Variants in GPR137B observed in about 807,000 individuals in gnomAD.
GPR137B encodes the protein G protein-coupled receptor 137B, also known as integral membrane protein GPR137B.
In GPR137B, 42 loss-of-function variants were observed where a neutral mutation model predicts 42.5. The ratio of observed to expected loss-of-function variants is 0.99; its 90% CI spans 0.77 to 1.28. The LOEUF (loss-of-function observed/expected upper bound fraction) is 1.28. Ranked by LOEUF, GPR137B falls within the 50% of genes most tolerant of loss-of-function variation. The probability of loss-of-function intolerance (pLI) is 0.00; values close to 1 mark genes in which losing one functional copy is unlikely to be tolerated. For synonymous variants in GPR137B, 218 were observed against 209.7 expected, an observed-to-expected ratio of 1.04 and a Z score of -0.34; for missense variants, 487 against 493.9, an observed-to-expected ratio of 0.99 and a Z score of 0.13.
chr1:236,181,252 G>A (rs1000195671), intron 4 of GPR137B, among the ~76,000 whole-genome samples: 5 of 152,148 alleles, frequency 3.3e-5, no homozygotes, highest in Non-Finnish European at 5.9e-5. Flanking sequence ...AACAAAGGTA[G>A]TGAAATGTCA....
At chr1:236,158,881 C>T (rs1002857415) in intron 1 of GPR137B, among the ~76,000 whole-genome samples, 7 of 152,132 alleles carry the variant, frequency 4.6e-5, no homozygotes, top group Non-Finnish European at 8.8e-5. Context: ...CTGAATCAAG[C>T]GCAGGTTGGA....
chr1:236,193,360 A>G (rs544358256), intron 5 of GPR137B, among the ~76,000 whole-genome samples: 12 of 152,240 alleles, frequency 7.9e-5, no homozygotes, highest in Middle Eastern at 3.4e-3. Flanking sequence ...CTGTGTGAAC[A>G]TATGTTTTCA....
intron 5 of GPR137B, among the ~76,000 whole-genome samples, chr1:236,199,166 T>C (rs1663424787): frequency 6.6e-6 from 1 of 152,246 alleles, no homozygotes; most frequent in African/African-American, 2.4e-5. Context: ...CATATGATTT[T>C]TGTTTTTAAT....
chr1:236,186,323 TA>T (rs1663036693), intron 5 of GPR137B, among the ~76,000 whole-genome samples: 8 of 71,634 alleles, frequency 1.1e-4, no homozygotes, highest in Non-Finnish European at 9.4e-5. Flanking sequence ...ATAATATAAA[TA>T]ATATATAATT....
intron 1 of GPR137B, among the ~76,000 whole-genome samples, chr1:236,161,977 G>A (rs576001536): frequency 6.6e-6 from 1 of 151,946 alleles, no homozygotes; most frequent in African/African-American, 2.4e-5. Flanking sequence ...AGCAACTTTG[G>A]AACTGGGTAA....
chr1:236,158,913 A>G (rs796380123), intron 1 of GPR137B, among the ~76,000 whole-genome samples: 16 of 152,324 alleles, frequency 1.1e-4, no homozygotes, highest in African/African-American at 3.8e-4. Context: ...TTGTTGGTAC[A>G]TCAGAGACAC....
At chr1:236,162,623 T>G (rs1662233195) in intron 1 of GPR137B, among the ~76,000 whole-genome samples, 1 of 152,234 alleles carries the variant, frequency 6.6e-6, no homozygotes, top group African/African-American at 2.4e-5. Flanking sequence ...GTGTCCCAGC[T>G]GCTCCAGCCA....
At chr1:236,201,932 T>C (rs1410037418) in intron 5 of GPR137B, among the ~76,000 whole-genome samples, 2 of 152,050 alleles carry the variant, frequency 1.3e-5, no homozygotes, top group African/African-American at 4.8e-5. Context: ...TTCTTTTGTC[T>C]GGGTGGTTCC....
intron 1 of GPR137B, among the ~76,000 whole-genome samples, chr1:236,146,077 C>G (rs1485328867): frequency 6.6e-6 from 1 of 151,998 alleles, no homozygotes; most frequent in Non-Finnish European, 1.5e-5. Flanking sequence ...AGGTTGGTCT[C>G]AAACTCCTGA....
rs1211376376 is a variant in GPR137B at position 236,148,355 on chromosome 1, A to G, written c.414+5319A>G. Among the ~76,000 whole-genome samples, 9 of 152,294 alleles carry G rather than the reference A, an allele frequency of 5.9e-5. No homozygotes were observed. In the East Asian group the frequency reaches 1.5e-3, roughly 26 times the overall value. ...CTCGGTGACACCTCGGCAGCCACGT[A>G]TCCCAGCCCTTCTTCCTCGGAATTC... On this transcript the variant is annotated intron_variant, in intron 1 of 6. Transcript: ENST00000366592.
chr1:236,145,924 C>T (rs1386452087), intron 1 of GPR137B, among the ~76,000 whole-genome samples: 1 of 152,172 alleles, frequency 6.6e-6, no homozygotes, highest in African/African-American at 2.4e-5. Context: ...TTGTGGTGAT[C>T]TGGGTTCACT....
chr1:236,200,657 C>G (rs1234022199), intron 5 of GPR137B, among the ~76,000 whole-genome samples: 1 of 152,004 alleles, frequency 6.6e-6, no homozygotes, highest in Non-Finnish European at 1.5e-5. Flanking sequence ...AAAAGAATAG[C>G]TACTCCTGCT....
intron 1 of GPR137B, among the ~76,000 whole-genome samples, chr1:236,145,368 G>A (rs1056220224): frequency 6.6e-6 from 1 of 152,162 alleles, no homozygotes; most frequent in African/African-American, 2.4e-5. Context: ...GAGATTTTTG[G>A]AGAAGGGGCT....
chr1:236,157,880 T>C lies in GPR137B; in HGVS notation c.415-10826T>C, dbSNP rs116936543. Among the ~76,000 whole-genome samples the C allele has an allele frequency of 1.1e-4, 16 of 152,320 alleles. No individual in the cohort carries two copies. The East Asian group carries it at 3.1e-3, about 29-fold the overall frequency. On this transcript the variant is annotated intron_variant, in intron 1 of 6. Coordinates refer to ENST00000366592, the MANE Select transcript of GPR137B (RefSeq NM_003272.4). Reference sequence around the variant, plus strand: ...CTAGAACTGTGTGTATCAACATAGATACCTTCCAAACACATAGTCATGAGG... The same window carrying C: ...CTAGAACTGTGTGTATCAACATAGACACCTTCCAAACACATAGTCATGAGG...
chr1:236,181,688 G>T (rs1662880652), intron 4 of GPR137B, among the ~76,000 whole-genome samples: 1 of 152,074 alleles, frequency 6.6e-6, no homozygotes, highest in Non-Finnish European at 1.5e-5. Flanking sequence ...TAATTAGAAA[G>T]GATTAAAACC....
At chr1:236,186,737 T>C (rs1178585223) in intron 5 of GPR137B, among the ~76,000 whole-genome samples, 3 of 152,138 alleles carry the variant, frequency 2.0e-5, no homozygotes, top group African/African-American at 7.2e-5. Context: ...CAGTCTATCA[T>C]TGATGGACAT....
At chr1:236,177,177 A>C (rs1662712272) in intron 2 of GPR137B, among the ~76,000 whole-genome samples, 1 of 152,118 alleles carries the variant, frequency 6.6e-6, no homozygotes, top group Non-Finnish European at 1.5e-5. Context: ...TGCCATTCGG[A>C]TTAGCCTGAG....
At chr1:236,176,741 C>CCTTCCTT (rs200467021) in intron 2 of GPR137B, among the ~76,000 whole-genome samples, 5,293 of 152,156 alleles carry the variant, frequency 0.035, 304 homozygotes, top group African/African-American at 0.12. Flanking sequence ...TGGACTGACT[C>CCTTCCTT]CTTCCTTCTT....
At chr1:236,153,363 G>T (rs894547899) in intron 1 of GPR137B, among the ~76,000 whole-genome samples, 2 of 152,148 alleles carry the variant, frequency 1.3e-5, no homozygotes, top group Admixed American at 1.3e-4. Flanking sequence ...TCATATCAAA[G>T]GAATCATACA....
Sources: gnomAD v4.1 joint callset for allele counts (sites outside exome capture counted in the v4.1 genomes callset) on GRCh38, gnomAD v4.1.1 for gene constraint, MANE v1.5 for transcripts, NCBI Gene and HGNC (gene_info 2026-07-23, HGNC 2026-07-21) for gene names.